Variants in MAP4K2 observed in about 807,000 individuals in gnomAD.
The protein encoded by MAP4K2 is B lymphocyte serine/threonine protein kinase.
A neutral mutation model predicts 125.3 loss-of-function variants in MAP4K2; 85 were observed. That is an observed-to-expected ratio of 0.68 (90% confidence interval 0.57 to 0.81). MAP4K2 has a LOEUF of 0.81. Among genes scored for constraint, MAP4K2 ranks in the 40% least tolerant of loss-of-function variants. MAP4K2 has a pLI of 0.00. For synonymous variants in MAP4K2, 479 were observed against 445.1 expected, an observed-to-expected ratio of 1.08 and a Z score of -0.96; for missense variants, 923 against 1,056.4, an observed-to-expected ratio of 0.87 and a Z score of 1.75.
chr11:64,796,411 C>G (rs1219585315), intron 23 of MAP4K2, 21 bp from the exon 24 acceptor site: 6 of 1,613,054 alleles, frequency 3.7e-6, no homozygotes, highest in Non-Finnish European at 5.1e-6. Context: ...AGGAAGAGGC[C>G]AGGCCTGGGG....
intron 31 of MAP4K2, 52 bp downstream of exon 31, chr11:64,789,678 C>T: frequency 6.2e-7 from 1 of 1,613,496 alleles, no homozygotes; most frequent in South Asian, 1.1e-5. Flanking sequence ...ACATCAGCCC[C>T]TTCTCTGGCC....
At position 64,796,856 on chromosome 11, in the gene MAP4K2, G is replaced by A; in HGVS notation, c.1445C>T (p.Pro482Leu). The change falls in exon 21 of 32, where the codon CCC (proline) becomes CTC (leucine). Residue 482 changes from proline to leucine, a missense_variant. Transcript: ENST00000294066. ...ACFSKVFNGC[P>L]LRIHAAVTWI... ...GGTGACAGCAGCGTGGATCCGCAGG[G>A]GGCAGCCATTGAAGACCTTGGAGAA... is the stretch of plus-strand genomic sequence containing the variant. 4 of 1,613,846 alleles carry A rather than the reference G, an allele frequency of 2.5e-6. No individual in the cohort carries two copies. The highest frequency in any genetic ancestry group is 3.4e-6 in the Non-Finnish European group (4 of 1,180,028).
At position 64,802,986 on chromosome 11, in the gene MAP4K2, G is replaced by GGCT. The variant is rs1565629551; in HGVS notation, c.97-47_97-45dup. On this transcript the variant is annotated intron_variant, in intron 1 of 31. Coordinates refer to ENST00000294066, the MANE Select transcript of MAP4K2 (RefSeq NM_004579.5). ...AAGCGGGATGGGGGGCGGGGCCGGG[G>GGCT]GCTAGATCCTGCCGCGGGGTGCGGG... The GGCT allele has an allele frequency of 4.5e-6, 7 of 1,561,898 alleles. No homozygotes were observed. In the Admixed American group the frequency reaches 7.3e-5, roughly 16 times the overall value.
rs553921000 is a variant in MAP4K2 at position 64,791,928 on chromosome 11, G to T, written c.2073C>A (p.Pro691=). 1.3e-6 allele frequency: 2 copies of T among 1,595,914 alleles called. No homozygotes were observed. Among genetic ancestry groups the T allele is most frequent in the African/African-American group, 2.7e-5 (2 of 74,714 alleles). Residue 691 remains proline, a synonymous_variant, in exon 27 of 32, where the codon CCC becomes CCA. Transcript: ENST00000294066. ...HVLPLEAGLT[P]DILIPPEGIP... ...GCTCACCAGGTGGGATGAGGATGTC[G>T]GGCGTCAGGCCAGCCTCCAGGGGCA...
At chr11:64,800,534 G>T in intron 10 of MAP4K2, 142 bp from the exon 11 acceptor site, 2 of 1,095,126 alleles carry the variant, frequency 1.8e-6, no homozygotes, top group South Asian at 1.5e-5. Context: ...GCCACTGGCC[G>T]AGCAACGCTG....
At position 64,792,067 on chromosome 11, in the gene MAP4K2, G is replaced by T; in HGVS notation, c.1934C>A (p.Pro645His). 6.3e-7 allele frequency: 1 copy of T among 1,589,770 alleles called. No homozygotes were observed. The highest frequency in any genetic ancestry group is 1.8e-5 in the Admixed American group (1 of 56,794). The stretch of plus-strand genomic sequence containing the variant: ...CGGCTCCAGCATCCCAGCTGGGCTG[G>T]GCAGAGGGCTGGAGAAGTTCTAGGG... ...LLLKNFSSPLPSPAGMLEPLV... is the reference protein window; with the variant it reads ...LLLKNFSSPLHSPAGMLEPLV... Residue 645 changes from proline (P) to histidine (H), a missense_variant, in exon 27 of 32, where the codon CCC becomes CAC. This residue lies in a region of MAP4K2 where 833 missense variants were observed against 911.4 expected (regional missense o/e 0.91). Coordinates refer to ENST00000294066, the MANE Select transcript of MAP4K2 (RefSeq NM_004579.5).
intron 5 of MAP4K2, 133 bp downstream of exon 5, chr11:64,801,933 T>C: frequency 9.6e-6 from 11 of 1,150,668 alleles, no homozygotes; most frequent in Non-Finnish European, 1.2e-5. Context: ...CTGGGGCCCC[T>C]TTTCCCCAGG....
chr11:64,800,229 G>A lies in MAP4K2; in HGVS notation c.808-13C>T. 1 of 1,612,554 alleles carries A rather than the reference G, an allele frequency of 6.2e-7. No homozygotes were observed. The highest frequency in any genetic ancestry group is 8.5e-7 in the Non-Finnish European group (1 of 1,179,678). ...TCGTGAACGGGTGCTGGAAAGTGGG[G>A]GAGGGGGGTGATCAGGTTGGCCCCT... On this transcript the variant is annotated splice_polypyrimidine_tract_variant and intron_variant, in intron 11 of 31. Transcript: ENST00000294066.
intron 14 of MAP4K2, among the ~76,000 whole-genome samples, 191 bp downstream of exon 14, chr11:64,799,230 A>T (rs1043321134): frequency 5.3e-5 from 8 of 152,188 alleles, no homozygotes; most frequent in African/African-American, 1.9e-4. Context: ...CCCACCTAAA[A>T]GAACTTGGCC....
intron 14 of MAP4K2, 96 bp downstream of exon 14, chr11:64,799,325 G>C (rs1166719341): frequency 2.0e-6 from 3 of 1,485,236 alleles, no homozygotes; most frequent in Non-Finnish European, 2.8e-6. Context: ...AGGCCACCCA[G>C]CTTCAAATCT....
At chr11:64,797,968 G>A (rs934162938) in intron 15 of MAP4K2, among the ~76,000 whole-genome samples, 1 of 150,078 alleles carries the variant, frequency 6.7e-6, no homozygotes, top group Non-Finnish European at 1.5e-5. Flanking sequence ...GCCTCCCAAA[G>A]TGCTCAGATT....
At position 64,802,919 on chromosome 11, in the gene MAP4K2, T is replaced by G; in HGVS notation, c.120A>C (p.Glu40Asp). ...GCTTGACTATCTTCACGGCGGCCAG[T>G]TCGGACGTGACCGTGTCGCGGGCCT... ...VYKARDTVTS[E>D]LAAVKIVKLD... The change falls in exon 2 of 32, where the codon GAA becomes GAC. Residue 40 changes from glutamate to aspartate, a missense_variant. Transcript: ENST00000294066. The G allele has an allele frequency of 1.3e-6, 2 of 1,595,784 alleles. No homozygotes were observed. The highest frequency in any genetic ancestry group is 4.6e-5 in the East Asian group (2 of 43,956).
At chr11:64,800,424 T>C in intron 10 of MAP4K2, 32 bp from the exon 11 acceptor site, 1 of 1,609,524 alleles carries the variant, frequency 6.2e-7, no homozygotes, top group Non-Finnish European at 8.5e-7. Flanking sequence ...CAGCGCCAGA[T>C]CCAGGTTAGC....
rs1490788708 is a variant in MAP4K2 at position 64,785,926 on chromosome 11, G to C, written c.*3611C>G. 3 of 152,280 alleles carry C rather than the reference G, an allele frequency of 2.0e-5. No individual in the cohort carries two copies. In the East Asian group the frequency reaches 5.8e-4, roughly 29 times the overall value. 9.4% of individuals were successfully genotyped at this position (152,280 alleles called of 1,614,324 possible). On this transcript the variant is annotated 3_prime_UTR_variant, in exon 32 of 32. Transcript: ENST00000294066. The stretch of plus-strand genomic sequence containing the variant: ...GACATAATATTTGATACATACAAAA[G>C]GATGTGTGGCACCTTATGTGAGTTA...
chr11:64,797,619 C>A lies in MAP4K2; in HGVS notation c.1136+7G>T. 1.9e-6 allele frequency: 3 copies of A among 1,581,616 alleles called. No homozygotes were observed. Among genetic ancestry groups the A allele is most frequent in the Non-Finnish European group, 2.6e-6 (3 of 1,162,822 alleles). Reference sequence around the variant, plus strand: ...CCTTGCCCCTCCCCCAGGCCCACATCCCTCACCTTTCCTCCAGGGCCTCCT... The same window carrying A: ...CCTTGCCCCTCCCCCAGGCCCACATACCTCACCTTTCCTCCAGGGCCTCCT... On this transcript the variant is annotated splice_region_variant and intron_variant, in intron 16 of 31. Transcript: ENST00000294066.
intron 7 of MAP4K2, 84 bp downstream of exon 7, chr11:64,801,495 C>T: frequency 6.7e-7 from 1 of 1,492,194 alleles, no homozygotes; most frequent in South Asian, 1.2e-5. Flanking sequence ...AGTGACTTGC[C>T]CAGTGACACC....
chr11:64,801,872 A>C, intron 5 of MAP4K2, 115 bp from the exon 6 acceptor site: 4 of 1,220,882 alleles, frequency 3.3e-6, no homozygotes, highest in Non-Finnish European at 4.7e-6. Context: ...CCTCTCCCCA[A>C]ACAGGAAGTG....
rs1940987768 is a variant in MAP4K2, at chr11:64,798,857, A to T, written c.1054-20T>A. The T allele has an allele frequency of 6.3e-7, 1 of 1,580,096 alleles. No homozygotes were observed. The highest frequency in any genetic ancestry group is 1.2e-5 in the South Asian group (1 of 86,216). ...CTCCCACTGGGGGAAACCAAGGTAGAGACCGGGGAAGAAGCAGAGACAGAT... is the reference window on the plus strand; with the variant it reads ...CTCCCACTGGGGGAAACCAAGGTAGTGACCGGGGAAGAAGCAGAGACAGAT... On this transcript the variant is annotated intron_variant, in intron 14 of 31. Coordinates refer to ENST00000294066, the MANE Select transcript of MAP4K2 (RefSeq NM_004579.5).
rs770926564 is a variant in MAP4K2, at chr11:64,800,159, C to T, written c.865G>A (p.Ala289Thr). The change falls in exon 12 of 32, where the codon GCC becomes ACC. Residue 289 changes from alanine to threonine, a missense_variant. By Grantham distance (58) the Ala-to-Thr change is moderately conservative. Transcript: ENST00000294066. ...GGGGTCCCCAGATGAGGGTCACTGG[C>T]TTTGTCCAGCAGCTGTGTGAGGAGG... The part of the protein sequence containing the change: ...RALLTQLLDK[A>T]SDPHLGTPSP... 1.7e-5 allele frequency: 27 copies of T among 1,613,048 alleles called. No individual in the cohort carries two copies. Among genetic ancestry groups the T allele is most frequent in the Non-Finnish European group, 2.0e-5 (24 of 1,179,674 alleles).
Sources: gnomAD v4.1 joint callset for allele counts (sites outside exome capture counted in the v4.1 genomes callset) on GRCh38, gnomAD v4.1.1 for gene constraint, gnomAD v4.1.1 regional missense constraint, MANE v1.5 for transcripts, NCBI Gene and HGNC (gene_info 2026-07-23, HGNC 2026-07-21) for gene names.